The following CHRM3 variants were observed in gnomAD, a reference collection of about 807,000 sequenced individuals.
CHRM3 encodes the protein muscarinic acetylcholine receptor M3.
A neutral mutation model predicts 41.8 loss-of-function variants in CHRM3; 11 were observed. The observed-to-expected ratio is 0.26, with a 90% CI of 0.17 to 0.44. The LOEUF is 0.44. CHRM3 is among the 20% of genes least tolerant of loss of function. CHRM3 has a pLI of 1.00. For missense variants in CHRM3, 571 were observed against 745.4 expected (o/e 0.77, Z 2.72); for synonymous variants, 297 against 301.4 (o/e 0.99, Z 0.15).
At chr1:239,639,811 G>A (rs1211821158) in intron 4 of CHRM3, among the ~76,000 whole-genome samples, 6 of 148,442 alleles carry the variant, frequency 4.0e-5, no homozygotes, top group East Asian at 2.0e-4. Context: ...TTGAATAGGA[G>A]TGGTGAGAGA....
chr1:239,687,132 A>G (rs1009680258), intron 5 of CHRM3, among the ~76,000 whole-genome samples: 39 of 151,716 alleles, frequency 2.6e-4, no homozygotes, highest in Non-Finnish European at 7.4e-5. Context: ...TAATAATAAT[A>G]AAATAATAAT....
intron 4 of CHRM3, among the ~76,000 whole-genome samples, chr1:239,671,171 A>T (rs531268427): frequency 6.6e-6 from 1 of 152,138 alleles, no homozygotes; most frequent in Non-Finnish European, 1.5e-5. Context: ...CATCTTTTTC[A>T]TAGGATTACT....
At position 239,642,991 on chromosome 1, in the gene CHRM3, C is replaced by A. The variant is rs552816689; in HGVS notation, c.-250+10705C>A. On this transcript the variant is annotated intron_variant, in intron 4 of 6. Transcript: ENST00000676153. ...TTAGTTTTCTTTCTAACAGACAGGA[C>A]CCTCAGCTGCAGGTCTGTTGGAGTT... 3.0e-4 allele frequency among the ~76,000 whole-genome samples: 46 copies of A among 152,298 alleles called. No individual in the cohort carries two copies. The South Asian group carries it at 9.1e-3, about 30-fold the overall frequency.
At chr1:239,577,127 A>G (rs1023848927) in intron 3 of CHRM3, among the ~76,000 whole-genome samples, 1 of 152,156 alleles carries the variant, frequency 6.6e-6, no homozygotes, top group African/African-American at 2.4e-5. Context: ...AGAATCCAGA[A>G]GCTTCTAATA....
chr1:239,478,615 A>G (rs1666617441), intron 1 of CHRM3, among the ~76,000 whole-genome samples: 1 of 152,218 alleles, frequency 6.6e-6, no homozygotes, highest in South Asian at 2.1e-4. Context: ...CAAAAATATG[A>G]TGTAAGATAT....
At chr1:239,644,269 G>A (rs1013608303) in intron 4 of CHRM3, among the ~76,000 whole-genome samples, 4 of 152,182 alleles carry the variant, frequency 2.6e-5, no homozygotes, top group Non-Finnish European at 4.4e-5. Flanking sequence ...GTAAGAACAA[G>A]TCGATAATAG....
At chr1:239,405,947 A>T (rs1660559510) in intron 1 of CHRM3, among the ~76,000 whole-genome samples, 1 of 151,938 alleles carries the variant, frequency 6.6e-6, no homozygotes, top group African/African-American at 2.4e-5. Flanking sequence ...TAGTGCCGCG[A>T]TCTCAGCTCA....
At chr1:239,655,969 A>G (rs1672675450) in intron 4 of CHRM3, among the ~76,000 whole-genome samples, 1 of 152,234 alleles carries the variant, frequency 6.6e-6, no homozygotes, top group African/African-American at 2.4e-5. Context: ...ATGGAATACA[A>G]TGCAGCCACA....
At chr1:239,837,530 C>T (rs1673427058) in intron 6 of CHRM3, among the ~76,000 whole-genome samples, 1 of 152,150 alleles carries the variant, frequency 6.6e-6, no homozygotes, top group South Asian at 2.1e-4. Context: ...CCATCAATTC[C>T]AGAAACTTAA....
intron 2 of CHRM3, among the ~76,000 whole-genome samples, chr1:239,532,491 G>T (rs181078426): frequency 1.3e-5 from 2 of 151,386 alleles, no homozygotes; most frequent in Non-Finnish European, 3.0e-5. Flanking sequence ...CGGACATGGT[G>T]GTGTGTGCCT....
At chr1:239,396,831 G>C (rs1196865378) in intron 1 of CHRM3, among the ~76,000 whole-genome samples, 2 of 152,112 alleles carry the variant, frequency 1.3e-5, no homozygotes, top group African/African-American at 4.8e-5. Flanking sequence ...ACAAAACTGG[G>C]ATAATAATAG....
At chr1:239,648,924 C>T (rs1671995832) in intron 4 of CHRM3, among the ~76,000 whole-genome samples, 1 of 152,106 alleles carries the variant, frequency 6.6e-6, no homozygotes, top group African/African-American at 2.4e-5. Flanking sequence ...GTAGCATTGA[C>T]ATATATCCAT....
At chr1:239,611,578 G>A (rs1039932385) in intron 3 of CHRM3, among the ~76,000 whole-genome samples, 7 of 151,998 alleles carry the variant, frequency 4.6e-5, no homozygotes, top group Admixed American at 1.3e-4. Flanking sequence ...GCGTCACCAT[G>A]CCCGGCTAAC....
At chr1:239,813,967 A>G (rs1671364351) in intron 5 of CHRM3, among the ~76,000 whole-genome samples, 1 of 151,158 alleles carries the variant, frequency 6.6e-6, no homozygotes, top group Admixed American at 6.6e-5. Flanking sequence ...CTATTGATGA[A>G]GCCCTTTCCT....
intron 3 of CHRM3, among the ~76,000 whole-genome samples, chr1:239,574,085 GTCTTT>G (rs1662099557): frequency 6.6e-6 from 1 of 152,090 alleles, no homozygotes; most frequent in Admixed American, 6.6e-5. Flanking sequence ...TTGAGGGTTA[GTCTTT>G]TCTTTGTACA....
intron 6 of CHRM3, among the ~76,000 whole-genome samples, chr1:239,834,148 T>TCACACA (rs34990180): frequency 0.16 from 21,306 of 135,048 alleles, 1,808 homozygotes; most frequent in South Asian, 0.21. Context: ...TAATTCCACA[T>TCACACA]CACACACACA....
chr1:239,767,956 G>A (rs1404936476), intron 5 of CHRM3, among the ~76,000 whole-genome samples: 7 of 152,062 alleles, frequency 4.6e-5, no homozygotes, highest in African/African-American at 9.7e-5. Context: ...AACAAGCCCC[G>A]GGTGATTTCA....
At chr1:239,853,913 G>T (rs1350496410) in intron 6 of CHRM3, among the ~76,000 whole-genome samples, 1 of 152,004 alleles carries the variant, frequency 6.6e-6, no homozygotes. Context: ...TCAAAAGAAA[G>T]ATTTGAAAAA....
chr1:239,504,766 C>T (rs973529787), intron 2 of CHRM3, among the ~76,000 whole-genome samples: 1 of 152,038 alleles, frequency 6.6e-6, no homozygotes, highest in African/African-American at 2.4e-5. Flanking sequence ...TTTGTGGTGA[C>T]CTGGATGAGA....
Sources: allele counts gnomAD v4.1 joint callset (sites outside exome capture counted in the v4.1 genomes callset), GRCh38; gene constraint gnomAD v4.1.1; transcripts MANE v1.5; gene names NCBI Gene and HGNC (gene_info 2026-07-23, HGNC 2026-07-21).